The following FANCI variants were observed in gnomAD, a reference collection of about 807,000 sequenced individuals.
FANCI encodes Fanconi anemia group I protein.
In FANCI, 156 loss-of-function variants were observed where a neutral mutation model predicts 176.1. The observed-to-expected ratio is 0.89, with a 90% CI of 0.78 to 1.01. The LOEUF (loss-of-function observed/expected upper bound fraction) is 1.01, where lower values mean the gene tolerates loss of function less well. Among genes scored for constraint, FANCI ranks in the 50% least tolerant of loss-of-function variants. FANCI has a pLI of 0.00. For synonymous variants in FANCI, 613 were observed against 541.7 expected, an observed-to-expected ratio of 1.13 and a Z score of -1.83; for missense variants, 1,678 against 1,534.1, an observed-to-expected ratio of 1.09 and a Z score of -1.57.
At chr15:89,283,855 C>T (rs752295295) in intron 17 of FANCI, among the ~76,000 whole-genome samples, 91 of 151,912 alleles carry the variant, frequency 6.0e-4, no homozygotes, top group Middle Eastern at 3.4e-3. Flanking sequence ...CTCTGCCTCC[C>T]GGGTTCACGC....
rs1442199775 is a variant in FANCI, at chr15:89,317,124, T to C, written c.*665T>C. On this transcript the variant is annotated 3_prime_UTR_variant, in exon 38 of 38. Coordinates refer to ENST00000310775, the MANE Select transcript of FANCI (RefSeq NM_001113378.2). ...TGCACTCTATAGAATAAATTATCTT[T>C]AAACATTTCTTCTGTGGTTGAAGTA... 2 of 592,832 alleles carry C rather than the reference T, an allele frequency of 3.4e-6. No homozygotes were observed. The highest frequency in any genetic ancestry group is 3.0e-5 in the Admixed American group (1 of 33,702). The allele number at this position is 592,832 out of a possible 1,614,324, so 36.7% of individuals were successfully genotyped here.
chr15:89,304,658 ATG>A (rs1398638440), intron 28 of FANCI, among the ~76,000 whole-genome samples: 9 of 152,254 alleles, frequency 5.9e-5, no homozygotes, highest in African/African-American at 2.2e-4. Flanking sequence ...TGGCTGTAGT[ATG>A]TGTAACACTG....
intron 10 of FANCI, 25 bp from the exon 11 acceptor site, chr15:89,273,352 C>G: frequency 8.8e-6 from 9 of 1,028,328 alleles, no homozygotes; most frequent in Non-Finnish European, 1.3e-5. Flanking sequence ...AAGTAAATGA[C>G]TTCCTTTTGG....
intron 10 of FANCI, among the ~76,000 whole-genome samples, chr15:89,270,868 G>T (rs1210836751): frequency 6.6e-6 from 1 of 152,086 alleles, no homozygotes; most frequent in East Asian, 1.9e-4. Context: ...CCATCCTGAT[G>T]CTAGCCATGT....
At chr15:89,250,810 A>G (rs1240308985) in intron 2 of FANCI, among the ~76,000 whole-genome samples, 1 of 151,598 alleles carries the variant, frequency 6.6e-6, no homozygotes, top group Non-Finnish European at 1.5e-5. Context: ...CAAAAATACT[A>G]CATGTTAAAA....
chr15:89,295,733 C>CCA (rs2054237279), intron 24 of FANCI, among the ~76,000 whole-genome samples: 1 of 61,742 alleles, frequency 1.6e-5, no homozygotes, highest in Non-Finnish European at 3.5e-5. Context: ...TCCCCTGGCG[C>CCA]CCCCCCCACC....
intron 17 of FANCI, among the ~76,000 whole-genome samples, chr15:89,283,716 TTACA>T (rs1349897718): frequency 6.6e-6 from 1 of 152,084 alleles, no homozygotes; most frequent in African/African-American, 2.4e-5. Flanking sequence ...AAATATAAAA[TTACA>T]TACATGGCTT....
chr15:89,267,783 C>T (rs1388093075), intron 9 of FANCI, among the ~76,000 whole-genome samples: 1 of 151,998 alleles, frequency 6.6e-6, no homozygotes, highest in Non-Finnish European at 1.5e-5. Flanking sequence ...AAAAATTAGC[C>T]GGGCATAGTG....
At chr15:89,315,410 G>A (rs764036356) in intron 37 of FANCI, 21 bp downstream of exon 37, 7 of 1,528,308 alleles carry the variant, frequency 4.6e-6, no homozygotes, top group Non-Finnish European at 1.8e-6. Context: ...GCTTCTGTCT[G>A]GAGCCCAGCC....
rs924025939 is a variant in FANCI at position 89,293,273 on chromosome 15, A to G, written c.2291+210A>G. Among the ~76,000 whole-genome samples the G allele has an allele frequency of 2.0e-4, 30 of 152,212 alleles. 1 individual carries two copies. Among genetic ancestry groups the G allele is most frequent in the Admixed American group, 1.4e-3 (21 of 15,284 alleles). The stretch of plus-strand genomic sequence containing the variant: ...CAGGCCTATAAAATGAAAGCCTTCC[A>G]GCAGGGTTTCACTTACTCAGAATTT... On this transcript the variant is annotated intron_variant, in intron 22 of 37. Coordinates refer to ENST00000310775, the MANE Select transcript of FANCI (RefSeq NM_001113378.2).
At chr15:89,303,585 A>G (rs540064854) in intron 27 of FANCI, among the ~76,000 whole-genome samples, 1 of 152,330 alleles carries the variant, frequency 6.6e-6, no homozygotes, top group South Asian at 2.1e-4. Flanking sequence ...CTAGACCACT[A>G]TGGTAGAAGC....
intron 18 of FANCI, among the ~76,000 whole-genome samples, chr15:89,287,876 T>G (rs2053882705): frequency 6.6e-6 from 1 of 152,194 alleles, no homozygotes; most frequent in Admixed American, 6.5e-5. Context: ...ATAGACACAA[T>G]TCGTGACTCT....
rs1351957141 is a variant in FANCI at position 89,312,926 on chromosome 15, A to G, written c.3674A>G (p.Tyr1225Cys). The change falls in exon 35 of 38, where the codon TAT becomes TGT. Residue 1225 changes from tyrosine to cysteine, a missense_variant. Transcript: ENST00000310775. Reference sequence around the variant, plus strand: ...TAGAATAAGAGTAAGAGCCTGAACTATACGGGAGAGAAAAAGGAGAAACCT... The same window carrying G: ...TAGAATAAGAGTAAGAGCCTGAACTGTACGGGAGAGAAAAAGGAGAAACCT... Reference protein sequence around the residue: ...YVQNKSKSLNYTGEKKEKPAA... With the variant: ...YVQNKSKSLNCTGEKKEKPAA... 1 of 1,613,964 alleles carries G rather than the reference A, an allele frequency of 6.2e-7. No individual in the cohort carries two copies. The highest frequency in any genetic ancestry group is 1.1e-5 in the South Asian group (1 of 91,066).
At position 89,300,297 on chromosome 15, in the gene FANCI, T is replaced by G. The variant is rs1383846628; in HGVS notation, c.2804-3T>G. 6.2e-7 allele frequency: 1 copy of G among 1,612,846 alleles called. No individual in the cohort carries two copies. The highest frequency in any genetic ancestry group is 1.3e-5 in the African/African-American group (1 of 74,894). ...AAGACAAGAGTTTCTTTTCCATTCC[T>G]AGATGTCACAGATAAGGAAGGAGAA... On this transcript the variant is annotated splice_polypyrimidine_tract_variant and splice_region_variant and intron_variant, in intron 25 of 37. Transcript: ENST00000310775.
intron 23 of FANCI, among the ~76,000 whole-genome samples, chr15:89,294,408 C>T (rs1047942484): frequency 5.3e-5 from 8 of 152,064 alleles, no homozygotes; most frequent in African/African-American, 1.4e-4. Context: ...CGATATGGTG[C>T]GACCTCATCT....
chr15:89,268,633 C>A, intron 10 of FANCI, 108 bp downstream of exon 10: 1 of 1,404,108 alleles, frequency 7.1e-7, no homozygotes, highest in Non-Finnish European at 1.0e-6. Context: ...GTAAAATGAC[C>A]CTGGGTGTGG....
intron 1 of FANCI, chr15:89,245,657 T>G (rs117946351): frequency 0.026 from 3,980 of 152,208 alleles, 108 homozygotes; most frequent in Non-Finnish European, 0.041. Flanking sequence ...ACTTGGAGAT[T>G]TGAAGGACTG....
chr15:89,247,814 AC>A, intron 2 of FANCI, 83 bp downstream of exon 2: 1 of 1,119,518 alleles, frequency 8.9e-7, no homozygotes, highest in Non-Finnish European at 1.4e-6. Flanking sequence ...AAGAAAAATT[AC>A]GCTGCTTCTT....
chr15:89,263,350 T>G, intron 6 of FANCI, 69 bp from the exon 7 acceptor site: 1 of 1,345,724 alleles, frequency 7.4e-7, no homozygotes, highest in Non-Finnish European at 1.1e-6. Context: ...TTTTTTGTCC[T>G]CATTAATTTT....
Sources: allele counts gnomAD v4.1 joint callset (sites outside exome capture counted in the v4.1 genomes callset), GRCh38; gene constraint gnomAD v4.1.1; transcripts MANE v1.5; gene names NCBI Gene and HGNC (gene_info 2026-07-23, HGNC 2026-07-21).